Variants in CREBBP observed in about 807,000 individuals in gnomAD.
The protein encoded by CREBBP is CREB-binding protein.
In CREBBP, 19 loss-of-function variants were observed where a neutral mutation model predicts 265.0. The ratio of observed to expected loss-of-function variants is 0.07; its 90% CI spans 0.05 to 0.11. CREBBP has a LOEUF of 0.11. Among genes scored for constraint, CREBBP ranks in the 10% least tolerant of loss-of-function variants. The pLI, the probability that CREBBP is intolerant of heterozygous loss-of-function variation, is 1.00. For missense variants in CREBBP, 2,525 were observed against 3,219.0 expected (o/e 0.78, Z 5.22); for synonymous variants, 1,457 against 1,223.7 (o/e 1.19, Z -3.98).
intron 2 of CREBBP, among the ~76,000 whole-genome samples, chr16:3,846,039 T>G (rs768892252): frequency 1.3e-5 from 2 of 152,124 alleles, no homozygotes; most frequent in African/African-American, 4.8e-5. Context: ...CTATACAAAC[T>G]GAAAACATAT....
At position 3,858,486 on chromosome 16, in the gene CREBBP, A is replaced by T. The variant is rs556771002; in HGVS notation, c.86-7477T>A. ...GCGTTAAAATTATGCTAACAATTTC[A>T]CGTTATAACGTGCGTGGGGCTGTAA... On this transcript the variant is annotated intron_variant, in intron 1 of 30. Coordinates refer to ENST00000262367, the MANE Select transcript of CREBBP (RefSeq NM_004380.3). Among the ~76,000 whole-genome samples the T allele has an allele frequency of 5.9e-5, 9 of 152,328 alleles. 1 individual carries two copies. In the South Asian group the frequency reaches 1.9e-3, roughly 32 times the overall value.
intron 2 of CREBBP, among the ~76,000 whole-genome samples, chr16:3,830,575 T>TA (rs1451921305): frequency 6.6e-6 from 1 of 152,172 alleles, no homozygotes. Context: ...CATATTAACC[T>TA]AATAAAACAG....
rs1478199109 is a variant in CREBBP, at chr16:3,745,265, G to C, written c.3914+12C>G. 4.3e-6 allele frequency: 7 copies of C among 1,612,040 alleles called. No individual in the cohort carries two copies. Among genetic ancestry groups the C allele is most frequent in the Non-Finnish European group, 5.9e-6 (7 of 1,178,894 alleles). ...TGCAGAACTGCCCTCCAGGCCAGGGGAAACAACTCACCCTGAAGGCCAAAT... is the reference window on the plus strand; with the variant it reads ...TGCAGAACTGCCCTCCAGGCCAGGGCAAACAACTCACCCTGAAGGCCAAAT... On this transcript the variant is annotated intron_variant, in intron 22 of 30. Coordinates refer to ENST00000262367, the MANE Select transcript of CREBBP (RefSeq NM_004380.3).
At chr16:3,794,309 G>A (rs901799233) in intron 3 of CREBBP, among the ~76,000 whole-genome samples, 33 of 121,860 alleles carry the variant, frequency 2.7e-4, no homozygotes, top group Middle Eastern at 6.9e-3. Context: ...TCCAGCCTGG[G>A]CGACAGATCG....
rs769325049 is a variant in CREBBP, at chr16:3,728,324, T to C, written c.6723A>G (p.Pro2241=). The C allele has an allele frequency of 1.3e-4, 208 of 1,612,060 alleles. No homozygotes were observed. Among genetic ancestry groups the C allele is most frequent in the Non-Finnish European group, 1.7e-4 (203 of 1,179,608 alleles). ...FQQPQGPGGY[P]PAMQQQQRMQ... is the part of the protein sequence containing the mutation. ...TGCGCTGCTGCTGCTGCATGGCCGG[T>C]GGGTAGCCTCCGGGTCCTTGAGGCT... The change falls in exon 31 of 31, where the codon CCA becomes CCG. Residue 2241 remains proline (P), a synonymous_variant. Transcript: ENST00000262367. This position sits in a 1 kb window ranked among gnomAD's most constrained non-coding sequence, Gnocchi z 8.7.
chr16:3,736,289 C>T, intron 27 of CREBBP, 86 bp from the exon 28 acceptor site: 8 of 1,403,116 alleles, frequency 5.7e-6, no homozygotes, highest in Non-Finnish European at 8.1e-6. Flanking sequence ...GCAAGCGTGC[C>T]CCTCACCATG....
At chr16:3,807,954 C>T (rs2053862542) in intron 3 of CREBBP, among the ~76,000 whole-genome samples, 1 of 152,120 alleles carries the variant, frequency 6.6e-6, no homozygotes, top group Non-Finnish European at 1.5e-5. Flanking sequence ...CAGTTTACCC[C>T]CAACAGGCAT....
intron 3 of CREBBP, among the ~76,000 whole-genome samples, chr16:3,797,192 G>A (rs1360238970): frequency 2.6e-5 from 4 of 152,196 alleles, no homozygotes; most frequent in Non-Finnish European, 2.9e-5. Context: ...CAAAGCCATC[G>A]TGGTGGAAGC....
chr16:3,802,373 C>A (rs903474902), intron 3 of CREBBP, among the ~76,000 whole-genome samples: 6 of 151,892 alleles, frequency 4.0e-5, no homozygotes, highest in Non-Finnish European at 8.8e-5. Flanking sequence ...TTCAAGTGAT[C>A]CACCCGCCTT....
chr16:3,751,597 A>C lies in CREBBP; in HGVS notation c.3779+129T>G, dbSNP rs2052475341. 4 of 969,516 alleles carry C rather than the reference A, an allele frequency of 4.1e-6. No homozygotes were observed. The East Asian group carries it at 1.0e-4, about 25-fold the overall frequency. 60.1% of individuals were successfully genotyped at this position (969,516 alleles called of 1,614,324 possible). A position where few individuals can be genotyped will look rare whatever the true frequency, so the allele number is the denominator to read the frequency against. On this transcript the variant is annotated intron_variant, in intron 20 of 30. Transcript: ENST00000262367. ...CAGAATGAGAACCTGTCTCAAAAAC[A>C]AAAAACCAAAAAACATTGCAAGGAA...
chr16:3,745,376 C>T (rs769205207), intron 21 of CREBBP, 22 bp from the exon 22 acceptor site: 2 of 1,611,596 alleles, frequency 1.2e-6, no homozygotes, highest in East Asian at 2.2e-5. Context: ...AGAAGGCGCA[C>T]TGTTAAAGCA....
At chr16:3,799,273 C>T (rs931583000) in intron 3 of CREBBP, among the ~76,000 whole-genome samples, 7 of 152,150 alleles carry the variant, frequency 4.6e-5, no homozygotes, top group African/African-American at 1.7e-4. Context: ...TACTAAATAC[C>T]ACTCAACTGT....
rs2151309918 is a variant in CREBBP at position 3,729,488 on chromosome 16, C to G, written c.5559G>C (p.Gln1853His). The change falls in exon 31 of 31, where the codon CAG (glutamine) becomes CAC (histidine). Residue 1853 changes from glutamine (Q) to histidine (H), a missense_variant. Transcript: ENST00000262367. The part of the protein sequence containing the change: ...CLNIKHKLRQ[Q>H]QIQHRLQQAQ... ...CCTGCTGCAGGCGGTGCTGGATCTG[C>G]TGCTGGCGGAGCTTGTGTTTGATGT... 6.2e-7 allele frequency: 1 copy of G among 1,614,166 alleles called. No individual in the cohort carries two copies. The highest frequency in any genetic ancestry group is 8.5e-7 in the Non-Finnish European group (1 of 1,180,014).
chr16:3,838,499 T>C (rs2054501452), intron 2 of CREBBP, among the ~76,000 whole-genome samples: 1 of 152,154 alleles, frequency 6.6e-6, no homozygotes, highest in South Asian at 2.1e-4. Flanking sequence ...TGCTAAACAT[T>C]CATTCCGTTT....
rs2151306508 is a variant in CREBBP at position 3,729,003 on chromosome 16, C to G, written c.6044G>C (p.Ser2015Thr). The G allele has an allele frequency of 6.3e-7, 1 of 1,593,894 alleles. No individual in the cohort carries two copies. The highest frequency in any genetic ancestry group is 1.1e-5 in the South Asian group (1 of 89,934). The change falls in exon 31 of 31, where the codon AGC (serine) becomes ACC (threonine). Residue 2015 changes from serine to threonine, a missense_variant. Physicochemically the swap from Ser to Thr is moderately conservative, Grantham distance 58 (BLOSUM62 1). This residue lies in a region of CREBBP where 275 missense variants were observed against 276.5 expected (regional missense o/e 0.99). Coordinates refer to ENST00000262367, the MANE Select transcript of CREBBP (RefSeq NM_004380.3). ...PNQVSGPVMP[S>T]MPPGQWQQAP... Reference sequence around the variant, plus strand: ...CTGCTGCCACTGCCCGGGAGGCATGCTGGGCATGACGGGCCCGCTCACCTG... The same window carrying G: ...CTGCTGCCACTGCCCGGGAGGCATGGTGGGCATGACGGGCCCGCTCACCTG...
rs555725712 is a variant in CREBBP, at chr16:3,793,960, T to G, written c.976-334A>C. Among the ~76,000 whole-genome samples, 10 of 152,342 alleles carry G rather than the reference T, an allele frequency of 6.6e-5. No individual in the cohort carries two copies. The South Asian group carries it at 2.1e-3, about 32-fold the overall frequency. ...TGTGTACTATACCAGCTGGACCATA[T>G]GAAACTGCTGTTTCTGTAGGTCCCA... is the stretch of plus-strand genomic sequence containing the variant. On this transcript the variant is annotated intron_variant, in intron 3 of 30. Transcript: ENST00000262367.
intron 3 of CREBBP, 74 bp downstream of exon 3, chr16:3,810,529 G>C: frequency 6.5e-7 from 1 of 1,546,002 alleles, no homozygotes. Context: ...GACTTTCACT[G>C]TGAGAATGGT....
At chr16:3,738,136 G>A (rs776841990) in intron 26 of CREBBP, among the ~76,000 whole-genome samples, 2 of 151,988 alleles carry the variant, frequency 1.3e-5, no homozygotes, top group Admixed American at 6.6e-5. Context: ...GGTCAGGCTG[G>A]TCTTGAACTC....
At chr16:3,821,241 C>T (rs900703938) in intron 2 of CREBBP, among the ~76,000 whole-genome samples, 2 of 152,204 alleles carry the variant, frequency 1.3e-5, no homozygotes, top group African/African-American at 4.8e-5. Flanking sequence ...GCTTGATTCA[C>T]ATAAAGGCTA....
Sources: gnomAD v4.1 joint callset for allele counts (sites outside exome capture counted in the v4.1 genomes callset) on GRCh38, gnomAD v4.1.1 for gene constraint, gnomAD v4.1.1 regional missense constraint, Gnocchi (gnomAD v3.1) non-coding constraint, MANE v1.5 for transcripts, NCBI Gene and HGNC (gene_info 2026-07-23, HGNC 2026-07-21) for gene names.